Variants in CLIP2 observed in about 807,000 individuals in gnomAD.
CLIP2 encodes the protein CAP-Gly domain-containing linker protein 2.
In CLIP2, 41 loss-of-function variants were observed where a neutral mutation model predicts 111.7. The observed-to-expected ratio is 0.37, with a 90% CI of 0.29 to 0.48. The LOEUF is 0.48. Among genes scored for constraint, CLIP2 ranks in the 20% least tolerant of loss-of-function variants. The pLI is 0.99. For missense variants in CLIP2, 1,160 were observed against 1,422.1 expected (o/e 0.82, Z 2.96); for synonymous variants, 660 against 644.2 (o/e 1.02, Z -0.37).
chr7:74,389,962 A>G (rs113657332), intron 13 of CLIP2, among the ~76,000 whole-genome samples: 2,434 of 149,518 alleles, frequency 0.016, 65 homozygotes, highest in African/African-American at 0.054. Context: ...GGTGGTATGC[A>G]CCAGTAGTCC....
chr7:74,379,729 G>C (rs1790888386), intron 10 of CLIP2, among the ~76,000 whole-genome samples: 1 of 152,052 alleles, frequency 6.6e-6, no homozygotes, highest in Admixed American at 6.6e-5. Flanking sequence ...TCACGCCACT[G>C]CACTCCAGCC....
At chr7:74,318,397 T>TA (rs1365620090) in intron 2 of CLIP2, among the ~76,000 whole-genome samples, 1 of 151,976 alleles carries the variant, frequency 6.6e-6, no homozygotes, top group African/African-American at 2.4e-5. Context: ...AGCAATTTCT[T>TA]ACCTATTCTC....
chr7:74,295,935 G>A (rs1788153972), intron 1 of CLIP2, among the ~76,000 whole-genome samples: 1 of 143,404 alleles, frequency 7.0e-6, no homozygotes, highest in Middle Eastern at 3.9e-3. Context: ...TCTGCAATGA[G>A]CTATGATCGT....
chr7:74,361,172 C>CTCCT (rs1790317863), intron 7 of CLIP2, among the ~76,000 whole-genome samples: 2 of 112,466 alleles, frequency 1.8e-5, no homozygotes, highest in Admixed American at 1.9e-4. Flanking sequence ...CCCTCCCTCC[C>CTCCT]TTCTTTCCTT....
chr7:74,401,367 G>A (rs1554317598), intron 15 of CLIP2, 138 bp from the exon 16 acceptor site: 16 of 750,528 alleles, frequency 2.1e-5, no homozygotes. Flanking sequence ...TGGTCTTTGG[G>A]GGTGCTGGGA....
chr7:74,401,379 C>A (rs914620035), intron 15 of CLIP2, 126 bp from the exon 16 acceptor site: 10 of 833,082 alleles, frequency 1.2e-5, no homozygotes, highest in Middle Eastern at 6.9e-4. Flanking sequence ...GTGCTGGGAG[C>A]CCCAGGCTGA....
intron 2 of CLIP2, among the ~76,000 whole-genome samples, chr7:74,337,681 C>T (rs1554732392): frequency 6.6e-6 from 1 of 151,846 alleles, no homozygotes; most frequent in African/African-American, 2.4e-5. Context: ...CTGCAATCTC[C>T]ACCTCTCGAG....
At chr7:74,347,561 T>G (rs149360540) in intron 3 of CLIP2, among the ~76,000 whole-genome samples, 3 of 151,952 alleles carry the variant, frequency 2.0e-5, no homozygotes, top group Admixed American at 6.6e-5. Context: ...AGCCACCGCG[T>G]CCGGCCAAAC....
intron 3 of CLIP2, among the ~76,000 whole-genome samples, chr7:74,353,543 G>A (rs1790069805): frequency 6.6e-6 from 1 of 152,092 alleles, no homozygotes; most frequent in Non-Finnish European, 1.5e-5. Flanking sequence ...GAGCCACCAT[G>A]CCCAGCCCCG....
chr7:74,320,917 C>T (rs1439500703), intron 2 of CLIP2, among the ~76,000 whole-genome samples: 5 of 151,420 alleles, frequency 3.3e-5, no homozygotes, highest in East Asian at 2.0e-4. Context: ...GAAGGGCACC[C>T]GCCCAGCCCA....
chr7:74,341,169 A>C (rs1264887238), intron 3 of CLIP2, among the ~76,000 whole-genome samples: 2 of 152,032 alleles, frequency 1.3e-5, no homozygotes, highest in Non-Finnish European at 2.9e-5. Context: ...ACTGAGGCTC[A>C]GGGAAGTTTT....
Position 74,389,255 on chromosome 7 carries a change from GAGC to G in CLIP2, c.2717_2719del (p.Glu906_Arg907delinsGly). ...CATCAGCCAGGAGCTGCTGCGGAAG[GAGC>G]GGTGAGGCGGCCGTGGGGCCGGCTG... On this transcript the variant is annotated inframe_deletion and splice_region_variant, in exon 13 of 17. Coordinates refer to ENST00000223398, the MANE Select transcript of CLIP2 (RefSeq NM_003388.5). 1 of 1,592,278 alleles carries G rather than the reference GAGC, an allele frequency of 6.3e-7. No homozygotes were observed. Among genetic ancestry groups the G allele is most frequent in the Non-Finnish European group, 8.5e-7 (1 of 1,170,758 alleles).
At chr7:74,289,929 C>G (rs1423927110) in intron 1 of CLIP2, among the ~76,000 whole-genome samples, 195 bp downstream of exon 1, 1 of 152,092 alleles carries the variant, frequency 6.6e-6, no homozygotes, top group Non-Finnish European at 1.5e-5. Context: ...CCAACTTCCC[C>G]GTTGCTTGTA....
chr7:74,393,342 CT>C (rs1397784555), intron 13 of CLIP2, among the ~76,000 whole-genome samples: 50 of 142,172 alleles, frequency 3.5e-4, no homozygotes, highest in East Asian at 4.1e-4. Flanking sequence ...ATTTGCATTT[CT>C]TTTTTTTTTT....
At chr7:74,372,888 T>TCCCCCCCC in intron 8 of CLIP2, 44 bp from the exon 9 acceptor site, 1 of 309,182 alleles carries the variant, frequency 3.2e-6, no homozygotes, top group Non-Finnish European at 6.2e-6. Context: ...CCTCCCTGCG[T>TCCCCCCCC]CCCCGCCCCC....
At chr7:74,341,969 C>G (rs549733112) in intron 3 of CLIP2, among the ~76,000 whole-genome samples, 2 of 152,112 alleles carry the variant, frequency 1.3e-5, no homozygotes, top group Non-Finnish European at 2.9e-5. Context: ...GAGGCTGCCC[C>G]GAGGAATGGT....
chr7:74,389,025 C>A, intron 12 of CLIP2, 78 bp from the exon 13 acceptor site: 1 of 1,503,118 alleles, frequency 6.7e-7, no homozygotes, highest in Non-Finnish European at 8.9e-7. Context: ...GCGCCCTGCC[C>A]AGGTCTTTGC....
Position 74,372,999 on chromosome 7 carries a change from A to G in CLIP2, c.1448A>G (p.Gln483Arg). The part of the protein sequence containing the change: ...LEQSLLLEKA[Q>R]AERLLRELAD... ...CAGAGCCTGCTACTGGAGAAGGCGCAGGCCGAGCGGCTGCTCCGAGAATTA... is the reference window on the plus strand; with the variant it reads ...CAGAGCCTGCTACTGGAGAAGGCGCGGGCCGAGCGGCTGCTCCGAGAATTA... Residue 483 changes from glutamine to arginine, a missense_variant, in exon 9 of 17, where the codon CAG becomes CGG. Gln to Arg is a conservative substitution (Grantham distance 43). This residue lies in a region of CLIP2 where 676 missense variants were observed against 777.8 expected (regional missense o/e 0.87). Coordinates refer to ENST00000223398, the MANE Select transcript of CLIP2 (RefSeq NM_003388.5). 6.3e-7 allele frequency: 1 copy of G among 1,592,996 alleles called. No homozygotes were observed. Among genetic ancestry groups the G allele is most frequent in the South Asian group, 1.1e-5 (1 of 87,752 alleles).
At chr7:74,361,203 C>CCTTCCTTG (rs1790322318) in intron 7 of CLIP2, among the ~76,000 whole-genome samples, 1 of 124,244 alleles carries the variant, frequency 8.0e-6, no homozygotes, top group Admixed American at 9.4e-5. Flanking sequence ...TTCCTTCCTT[C>CCTTCCTTG]CTTCCCTCCC....
Sources: allele counts gnomAD v4.1 joint callset (sites outside exome capture counted in the v4.1 genomes callset), GRCh38; gene constraint gnomAD v4.1.1; regional missense constraint gnomAD v4.1.1; transcripts MANE v1.5; gene names NCBI Gene and HGNC (gene_info 2026-07-23, HGNC 2026-07-21).